The following SLC5A4 variants were observed in gnomAD, a reference collection of about 807,000 sequenced individuals.
SLC5A4 encodes solute carrier family 5 member 4.
Under a neutral mutation model 70.3 loss-of-function variants are expected in SLC5A4, and 55 were observed. The ratio of observed to expected loss-of-function variants is 0.78; its 90% CI spans 0.63 to 0.98. The LOEUF (loss-of-function observed/expected upper bound fraction) is 0.98, where lower values mean the gene tolerates loss of function less well. Among genes scored for constraint, SLC5A4 ranks in the 50% least tolerant of loss-of-function variants. The pLI, the probability that SLC5A4 is intolerant of heterozygous loss-of-function variation, is 0.00. For missense variants in SLC5A4, 735 were observed against 839.2 expected (o/e 0.88, Z 1.53); for synonymous variants, 268 against 305.7 (o/e 0.88, Z 1.29).
chr22:32,272,688 C>T, the SLC5A4 span: 41 of 539,116 alleles, frequency 7.6e-5, 1 homozygote, highest in Admixed American at 8.5e-4. Flanking sequence ...GTGCCTGCTG[C>T]GCTGGGCAGA....
At chr22:32,272,046 TG>T in the SLC5A4 span, 1 of 640,422 alleles carries the variant, frequency 1.6e-6, no homozygotes, top group Non-Finnish European at 2.9e-6. Flanking sequence ...CCTAGTCTGC[TG>T]GGAGGCTATT....
chr22:32,234,848 A>AGACG (rs1491302853), intron 8 of SLC5A4, 25 bp downstream of exon 8: 4 of 1,505,236 alleles, frequency 2.7e-6, no homozygotes, highest in Non-Finnish European at 3.7e-6. Flanking sequence ...ACAGACAGAC[A>AGACG]GACACACATA....
the SLC5A4 span, among the ~76,000 whole-genome samples, chr22:32,321,504 G>A: frequency 6.6e-6 from 1 of 152,210 alleles, no homozygotes; most frequent in East Asian, 1.9e-4. Flanking sequence ...GGACGTGCAG[G>A]TTTGTGACAC....
At chr22:32,314,100 C>A in the SLC5A4 span, among the ~76,000 whole-genome samples, 5 of 152,280 alleles carry the variant, frequency 3.3e-5, no homozygotes, top group African/African-American at 1.2e-4. Flanking sequence ...GTGAGAGATA[C>A]GCCAAGAAGG....
chr22:32,336,095 C>G, the SLC5A4 span, among the ~76,000 whole-genome samples: 2 of 152,228 alleles, frequency 1.3e-5, no homozygotes, highest in Non-Finnish European at 2.9e-5. Flanking sequence ...TCCTTATCCA[C>G]TTGCCCCACC....
At chr22:32,270,950 G>A in the SLC5A4 span, 29 of 554,428 alleles carry the variant, frequency 5.2e-5, no homozygotes, top group Non-Finnish European at 7.7e-5. Flanking sequence ...CTGCCTGAGC[G>A]GGGCTCACGA....
At chr22:32,255,124 C>T in intron 1 of SLC5A4, 71 bp downstream of exon 1, 1 of 1,418,800 alleles carries the variant, frequency 7.0e-7, no homozygotes, top group Non-Finnish European at 9.9e-7. Flanking sequence ...CACAACCACA[C>T]CCCTTCCCCC....
the SLC5A4 span, among the ~76,000 whole-genome samples, chr22:32,331,006 TGG>T: frequency 4.0e-5 from 1 of 24,720 alleles, no homozygotes; most frequent in Non-Finnish European, 7.8e-5. Context: ...GTGTGTGTGT[TGG>T]GGGCTCTGGT....
the SLC5A4 span, chr22:32,270,504 TG>T: frequency 1.4e-6 from 1 of 728,332 alleles, no homozygotes; most frequent in Admixed American, 1.9e-5. Context: ...AAGCGGACAA[TG>T]ACCACCGCAG....
At chr22:32,343,750 C>T in the SLC5A4 span, among the ~76,000 whole-genome samples, 4 of 152,128 alleles carry the variant, frequency 2.6e-5, no homozygotes, top group African/African-American at 9.7e-5. Context: ...GATAAATTAT[C>T]AATTAGAAAA....
chr22:32,292,882 C>T, the SLC5A4 span, among the ~76,000 whole-genome samples: 2 of 152,030 alleles, frequency 1.3e-5, no homozygotes, highest in African/African-American at 4.8e-5. Flanking sequence ...TAAAATTTCC[C>T]AGTATAATTG....
At chr22:32,273,084 A>G in the SLC5A4 span, 1 of 500,216 alleles carries the variant, frequency 2.0e-6, no homozygotes, top group African/African-American at 2.0e-5. Context: ...CTTGCTGGAG[A>G]CAGATGGCGT....
the SLC5A4 span, among the ~76,000 whole-genome samples, chr22:32,302,576 G>A: frequency 6.6e-6 from 1 of 152,140 alleles, no homozygotes; most frequent in Non-Finnish European, 1.5e-5. Flanking sequence ...TTGTTGGAAA[G>A]CCTATCTTTC....
At chr22:32,275,852 A>G in the SLC5A4 span, among the ~76,000 whole-genome samples, 1 of 152,120 alleles carries the variant, frequency 6.6e-6, no homozygotes, top group African/African-American at 2.4e-5. Flanking sequence ...AAGTGTTCCT[A>G]TTTCTCCACA....
chr22:32,268,903 A>AT, the SLC5A4 span, among the ~76,000 whole-genome samples: 1 of 152,020 alleles, frequency 6.6e-6, no homozygotes, highest in Admixed American at 6.6e-5. Flanking sequence ...TATTTTTTGC[A>AT]TTTTTTCTCT....
In SLC5A4 at chr22:32,218,664, C is replaced by T. The variant is rs369472527; in HGVS notation, c.1830G>A (p.Gln610=). ...CCTCCTTGGTTAGCTTGGGTCCCTT[C>T]TGCAAACCGCAGAACAAGTCATAAG... ...KKAYDLFCGL[Q]KGPKLTKEEE... is the part of the protein sequence containing the mutation. Residue 610 remains glutamine, a synonymous_variant, in exon 15 of 15, where the codon CAG becomes CAA. Coordinates refer to ENST00000266086, the MANE Select transcript of SLC5A4 (RefSeq NM_014227.3). 2 of 1,613,932 alleles carry T rather than the reference C, an allele frequency of 1.2e-6. No homozygotes were observed. Among genetic ancestry groups the T allele is most frequent in the East Asian group, 2.2e-5 (1 of 44,860 alleles).
At chr22:32,245,157 C>T (rs1388261673) in intron 5 of SLC5A4, among the ~76,000 whole-genome samples, 2 of 152,168 alleles carry the variant, frequency 1.3e-5, no homozygotes, top group Admixed American at 6.5e-5. Flanking sequence ...ACTGTCCTGT[C>T]CTAACGTCTC....
rs373524024 is a variant in SLC5A4, at chr22:32,235,059, G to A, written c.699C>T (p.Thr233=). Residue 233 remains threonine (T), a synonymous_variant, in exon 8 of 15, where the codon ACC becomes ACT. Transcript: ENST00000266086. ...ATGGGGTGGCATTCACGTACTTCTC[G>A]GTAAAGCTCTCATAACCTCCAACTT... is the stretch of plus-strand genomic sequence containing the variant. The part of the protein sequence containing the change: ...FNEVGGYESF[T]EKYVNATPSV... The A allele has an allele frequency of 1.1e-5, 18 of 1,613,546 alleles. No individual in the cohort carries two copies. Among genetic ancestry groups the A allele is most frequent in the Middle Eastern group, 1.7e-4 (1 of 5,976 alleles).
At chr22:32,298,952 TTC>T in the SLC5A4 span, among the ~76,000 whole-genome samples, 1 of 117,088 alleles carries the variant, frequency 8.5e-6, no homozygotes, top group South Asian at 3.2e-4. Context: ...GGGTTGAAAA[TTC>T]TTTTCTTTAA....
Sources: allele counts gnomAD v4.1 joint callset (sites outside exome capture counted in the v4.1 genomes callset), GRCh38; gene constraint gnomAD v4.1.1; transcripts MANE v1.5; gene names NCBI Gene and HGNC (gene_info 2026-07-23, HGNC 2026-07-21).